MTA1: variants seen among roughly 807,000 people sequenced by gnomAD.
MTA1 encodes the protein metastasis associated 1.
A neutral mutation model predicts 97.0 loss-of-function variants in MTA1; 15 were observed. The observed-to-expected ratio is 0.15, with a 90% confidence interval of 0.10 to 0.24. The LOEUF (loss-of-function observed/expected upper bound fraction) is 0.24. MTA1 is among the 10% of genes least tolerant of loss of function. MTA1 has a pLI of 1.00. For synonymous variants in MTA1, 435 were observed against 417.5 expected (o/e 1.04, Z -0.51); for missense variants, 709 against 1,015.1 (o/e 0.70, Z 4.10).
chr14:105,452,113 TGG>T (rs1340476295), intron 6 of MTA1, among the ~76,000 whole-genome samples: 4 of 152,194 alleles, frequency 2.6e-5, no homozygotes, highest in Non-Finnish European at 5.9e-5. Flanking sequence ...CTTTCTTACC[TGG>T]GGTTTCTGAA....
chr14:105,455,415 C>T (rs2083106392), intron 7 of MTA1, among the ~76,000 whole-genome samples: 1 of 152,256 alleles, frequency 6.6e-6, no homozygotes, highest in Non-Finnish European at 1.5e-5. Context: ...CTGTCCCCTT[C>T]TCAGCCCTGT....
At chr14:105,462,615 A>G (rs1411369297) in intron 10 of MTA1, among the ~76,000 whole-genome samples, 2 of 151,604 alleles carry the variant, frequency 1.3e-5, no homozygotes, top group Non-Finnish European at 2.9e-5. Flanking sequence ...GCTTATGCCT[A>G]TAATCCCATT....
chr14:105,427,142 C>T (rs2082037345), intron 1 of MTA1, among the ~76,000 whole-genome samples: 1 of 152,230 alleles, frequency 6.6e-6, no homozygotes, highest in Non-Finnish European at 1.5e-5. Flanking sequence ...TGGCCCCATC[C>T]CCTATTTGTT....
chr14:105,435,536 AT>A (rs1321056101), intron 1 of MTA1, among the ~76,000 whole-genome samples: 6 of 151,974 alleles, frequency 3.9e-5, no homozygotes, highest in Non-Finnish European at 5.9e-5. Flanking sequence ...AATCCTCCTG[AT>A]TTCTTGTGTG....
chr14:105,441,416 G>C (rs11845893), intron 2 of MTA1, among the ~76,000 whole-genome samples: 1 of 152,230 alleles, frequency 6.6e-6, no homozygotes, highest in Admixed American at 6.5e-5. Flanking sequence ...CAGCACCGGG[G>C]AGGCTCCCAG....
chr14:105,437,046 C>A (rs2082346589), intron 1 of MTA1, among the ~76,000 whole-genome samples: 1 of 152,244 alleles, frequency 6.6e-6, no homozygotes, highest in Non-Finnish European at 1.5e-5. Context: ...GGCTGTGTCC[C>A]CTCTGGGCTC....
rs369757660 is a variant in MTA1 at position 105,466,574 on chromosome 14, G to A, written c.1773G>A (p.Val591=). 6.5e-5 allele frequency: 103 copies of A among 1,575,616 alleles called. No homozygotes were observed. The African/African-American group carries it at 1.3e-3, about 20-fold the overall frequency. Residue 591 remains valine, a synonymous_variant, in exon 17 of 21, where the codon GTG becomes GTA. Transcript: ENST00000331320. ...GCAGCTACGAGCAGCACAACGGGGT[G>A]GACGGTGAGTGGCCCCCCCGCCCGG... ...GKRSYEQHNG[V]DGNMKKRLLM... is the part of the protein sequence containing the mutation.
chr14:105,461,036 A>C, intron 10 of MTA1, 83 bp downstream of exon 10: 2 of 1,399,480 alleles, frequency 1.4e-6, no homozygotes, highest in African/African-American at 1.4e-5. Context: ...TCCACATCCC[A>C]CTCTGCCCTG....
intron 2 of MTA1, among the ~76,000 whole-genome samples, chr14:105,440,533 G>A (rs1555425408): frequency 6.6e-6 from 1 of 152,270 alleles, no homozygotes; most frequent in Non-Finnish European, 1.5e-5. Context: ...TGTGCAGACA[G>A]TAGATTGCAG....
At chr14:105,441,742 C>G (rs587689811) in intron 2 of MTA1, among the ~76,000 whole-genome samples, 87 of 152,130 alleles carry the variant, frequency 5.7e-4, no homozygotes, top group African/African-American at 2.0e-3. Context: ...TGCAGTGAGC[C>G]GAGATCCCGC....
At chr14:105,437,640 C>T (rs964826377) in intron 1 of MTA1, among the ~76,000 whole-genome samples, 2 of 152,232 alleles carry the variant, frequency 1.3e-5, no homozygotes, top group African/African-American at 4.8e-5. Flanking sequence ...GGCTGGGCTT[C>T]TTTGGTGCTG....
At chr14:105,449,956 C>A in intron 4 of MTA1, 102 bp from the exon 5 acceptor site, 1 of 1,525,926 alleles carries the variant, frequency 6.6e-7, no homozygotes, top group Non-Finnish European at 9.0e-7. Context: ...CCTCCCAGGA[C>A]TGGGCCTCCT....
chr14:105,437,905 C>G (rs2082381725), intron 1 of MTA1, among the ~76,000 whole-genome samples: 2 of 152,220 alleles, frequency 1.3e-5, no homozygotes, highest in African/African-American at 4.8e-5. Context: ...GGGTAAGCCT[C>G]TGGGCTCCGG....
At chr14:105,467,238 C>T (rs1227422321) in intron 18 of MTA1, 4 of 361,316 alleles carry the variant, frequency 1.1e-5, no homozygotes, top group Non-Finnish European at 2.2e-5. Flanking sequence ...GCAGGGGCTG[C>T]GGGACCCCAG....
chr14:105,440,959 G>C (rs1567013751), intron 2 of MTA1, among the ~76,000 whole-genome samples: 1 of 152,238 alleles, frequency 6.6e-6, no homozygotes, highest in Non-Finnish European at 1.5e-5. Context: ...GGCAAGGAAG[G>C]TGGGAGAGGC....
In MTA1 at chr14:105,454,362, G is replaced by A. The variant is rs150762548; in HGVS notation, c.550+52G>A. 27,529 of 1,307,364 alleles carry A rather than the reference G, an allele frequency of 0.021. 376 individuals are homozygous for A. Among genetic ancestry groups the A allele is most frequent in the South Asian group, 0.027 (2,291 of 84,590 alleles). The allele number at this position is 1,307,364 out of a possible 1,614,324, so 81.0% of individuals were successfully genotyped here. A position where few individuals can be genotyped will look rare whatever the true frequency, so the allele number is the denominator to read the frequency against. ...GCCCTCTGTCCTGTCCTGTCCTGCC[G>A]GGTGACACACTGGGTGAGAGGAGGC... On this transcript the variant is annotated intron_variant, in intron 7 of 20. Transcript: ENST00000331320.
Position 105,463,309 on chromosome 14 carries a change from C to T in MTA1, c.1017+51C>T, listed in dbSNP as rs782540360. The T allele has an allele frequency of 1.4e-5, 23 of 1,593,386 alleles. No homozygotes were observed. Among genetic ancestry groups the T allele is most frequent in the South Asian group, 2.2e-5 (2 of 90,610 alleles). On this transcript the variant is annotated intron_variant, in intron 11 of 20. Coordinates refer to ENST00000331320, the MANE Select transcript of MTA1 (RefSeq NM_004689.4). The surrounding 1 kb of genome is among the most constrained non-coding windows in gnomAD (Gnocchi z 5.9). ...CGGGGTGTGCCGCCTCCCCGTCCTG[C>T]GCCCCATCCTCTCCCAGCAGGTGGG... is the stretch of plus-strand genomic sequence containing the variant.
intron 1 of MTA1, among the ~76,000 whole-genome samples, chr14:105,429,180 C>T (rs1168377377): frequency 6.6e-6 from 1 of 152,184 alleles, no homozygotes; most frequent in Non-Finnish European, 1.5e-5. Flanking sequence ...GGGGCTCTGG[C>T]TTCGGGGAAT....
In MTA1 at chr14:105,433,876, G is replaced by A. The variant is rs587739301; in HGVS notation, c.29-4796G>A. Among the ~76,000 whole-genome samples the A allele has an allele frequency of 2.6e-5, 4 of 152,278 alleles. No individual in the cohort carries two copies. The East Asian group carries it at 7.7e-4, about 29-fold the overall frequency. The stretch of plus-strand genomic sequence containing the variant: ...TGGGGTCTTGCTCTGTCACCAGGCT[G>A]GAGTGCAGTGGCACAATCTCGGCTC... On this transcript the variant is annotated intron_variant, in intron 1 of 20. Coordinates refer to ENST00000331320, the MANE Select transcript of MTA1 (RefSeq NM_004689.4).
Sources: gnomAD v4.1 joint callset for allele counts (sites outside exome capture counted in the v4.1 genomes callset) on GRCh38, gnomAD v4.1.1 for gene constraint, Gnocchi (gnomAD v3.1) non-coding constraint, MANE v1.5 for transcripts, NCBI Gene and HGNC (gene_info 2026-07-23, HGNC 2026-07-21) for gene names.